GAS2: variants seen among roughly 807,000 people sequenced by gnomAD.
GAS2 encodes the protein growth arrest-specific protein 2.
In GAS2, 20 loss-of-function variants were observed where a neutral mutation model predicts 37.5. The observed-to-expected ratio is 0.53, with a 90% confidence interval of 0.37 to 0.77. The LOEUF is 0.77. GAS2 is among the 30% of genes least tolerant of loss of function. The pLI is 0.00. For missense variants in GAS2, 336 were observed against 373.4 expected (o/e 0.90, Z 0.82); for synonymous variants, 144 against 132.2 (o/e 1.09, Z -0.61).
At chr11:22,740,702 G>A (rs1224495162) in intron 5 of GAS2, among the ~76,000 whole-genome samples, 1 of 152,112 alleles carries the variant, frequency 6.6e-6, no homozygotes, top group African/African-American at 2.4e-5. Context: ...AGCATAATTA[G>A]TTGAAAGAAA....
intron 2 of GAS2, among the ~76,000 whole-genome samples, chr11:22,681,077 GA>G (rs1471474593): frequency 3.9e-5 from 6 of 152,124 alleles, no homozygotes; most frequent in Non-Finnish European, 7.4e-5. Flanking sequence ...ATGATTATTA[GA>G]ATTCTTTAGA....
At chr11:22,652,338 G>A (rs1355065224) in intron 1 of GAS2, among the ~76,000 whole-genome samples, 2 of 152,192 alleles carry the variant, frequency 1.3e-5, no homozygotes, top group Non-Finnish European at 2.9e-5. Context: ...GTCAGACAGG[G>A]CCATTTAAGT....
intron 7 of GAS2, among the ~76,000 whole-genome samples, chr11:22,765,397 T>C (rs1291063213): frequency 2.0e-5 from 3 of 152,184 alleles, no homozygotes; most frequent in Non-Finnish European, 2.9e-5. Context: ...AAATCCCAAG[T>C]CAAAAATTTT....
chr11:22,747,328 T>G (rs1222858636), intron 5 of GAS2, among the ~76,000 whole-genome samples: 2 of 152,180 alleles, frequency 1.3e-5, no homozygotes, highest in Admixed American at 6.6e-5. Context: ...AGTCTAGCAG[T>G]TTCCACCATT....
chr11:22,706,120 C>T lies in GAS2; in HGVS notation c.268-20172C>T, dbSNP rs571460278. ...ATGCTGGCATTTATCTTAAGTATAA[C>T]AATATGCCATTGAACTATTAACATT... On this transcript the variant is annotated intron_variant, in intron 3 of 7. Transcript: ENST00000454584. Among the ~76,000 whole-genome samples the T allele has an allele frequency of 6.6e-5, 10 of 152,218 alleles. No homozygotes were observed. The South Asian group carries it at 2.1e-3, about 32-fold the overall frequency.
intron 1 of GAS2, among the ~76,000 whole-genome samples, chr11:22,635,069 G>C (rs938687072): frequency 2.6e-5 from 4 of 152,216 alleles, no homozygotes; most frequent in African/African-American, 7.2e-5. Flanking sequence ...GCTTGCAAAA[G>C]AGTGTCAGCT....
chr11:22,742,197 G>A (rs1387567477), intron 5 of GAS2, among the ~76,000 whole-genome samples: 1 of 152,056 alleles, frequency 6.6e-6, no homozygotes, highest in Non-Finnish European at 1.5e-5. Context: ...AAAGGTATGA[G>A]GATATGATTT....
At chr11:22,735,224 C>CT (rs397750049) in intron 4 of GAS2, among the ~76,000 whole-genome samples, 62,932 of 109,228 alleles carry the variant, frequency 0.58, 20,036 homozygotes, top group Middle Eastern at 0.71. Flanking sequence ...ACCAATCATT[C>CT]TTTTTTTTTT....
chr11:22,627,158 C>T (rs956258024), intron 1 of GAS2, among the ~76,000 whole-genome samples: 1 of 152,188 alleles, frequency 6.6e-6, no homozygotes, highest in African/African-American at 2.4e-5. Flanking sequence ...TTTATTTTAT[C>T]CTAAGGATAC....
At chr11:22,732,578 C>T (rs1487530526) in intron 4 of GAS2, among the ~76,000 whole-genome samples, 1 of 151,694 alleles carries the variant, frequency 6.6e-6, no homozygotes, top group Non-Finnish European at 1.5e-5. Context: ...CTATTTATCA[C>T]CTACATTTAA....
intron 4 of GAS2, among the ~76,000 whole-genome samples, chr11:22,737,448 G>C (rs1414880026): frequency 6.6e-6 from 1 of 152,086 alleles, no homozygotes; most frequent in East Asian, 1.9e-4. Flanking sequence ...ATTTCCTGAG[G>C]GTTTCCTGAG....
At chr11:22,765,303 T>C (rs538751152) in intron 7 of GAS2, among the ~76,000 whole-genome samples, 65 of 152,238 alleles carry the variant, frequency 4.3e-4, no homozygotes, top group South Asian at 8.3e-4. Flanking sequence ...AACAATATAG[T>C]AGAGAGTTGA....
At chr11:22,799,370 G>A (rs1399691115) in intron 7 of GAS2, among the ~76,000 whole-genome samples, 1 of 152,028 alleles carries the variant, frequency 6.6e-6, no homozygotes, top group Non-Finnish European at 1.5e-5. Context: ...TTTAAAAAAT[G>A]CATTCCAGGT....
rs766821097 is a variant in GAS2, at chr11:22,812,045, C to T, written c.*29C>T. The T allele has an allele frequency of 6.6e-7, 1 of 1,510,830 alleles. No individual in the cohort carries two copies. The highest frequency in any genetic ancestry group is 9.2e-7 in the Non-Finnish European group (1 of 1,086,428). The allele number at this position is 1,510,830 out of a possible 1,614,324, so 93.6% of individuals were successfully genotyped here. A position where few individuals can be genotyped will look rare whatever the true frequency, so the allele number is the denominator to read the frequency against. The stretch of plus-strand genomic sequence containing the variant: ...AAATTGGTCATGACAAGGGGACCCT[C>T]ATAATGGCCTGTATCCACTTCTCCA... On this transcript the variant is annotated 3_prime_UTR_variant, in exon 8 of 8. Coordinates refer to ENST00000454584, the MANE Select transcript of GAS2 (RefSeq NM_001143830.3).
chr11:22,652,792 C>T (rs1408530917), intron 1 of GAS2, among the ~76,000 whole-genome samples: 6 of 152,152 alleles, frequency 3.9e-5, no homozygotes, highest in African/African-American at 9.7e-5. Context: ...GCACACGGTG[C>T]GCGCACCCAC....
At chr11:22,754,480 T>C (rs1853913892) in intron 6 of GAS2, among the ~76,000 whole-genome samples, 2 of 152,118 alleles carry the variant, frequency 1.3e-5, no homozygotes, top group African/African-American at 2.4e-5. Context: ...GCAATGTATA[T>C]ATTAAAGTTG....
intron 1 of GAS2, among the ~76,000 whole-genome samples, chr11:22,660,835 C>T (rs373245449): frequency 3.5e-4 from 53 of 152,314 alleles, no homozygotes; most frequent in African/African-American, 1.2e-3. Flanking sequence ...ACCCTATTCC[C>T]AGGCAGTTCT....
At chr11:22,686,523 C>G (rs1383863515) in intron 3 of GAS2, among the ~76,000 whole-genome samples, 1 of 120,258 alleles carries the variant, frequency 8.3e-6, no homozygotes, top group Non-Finnish European at 1.6e-5. Context: ...TGAGACTAGT[C>G]TGGCCAACAT....
At chr11:22,796,898 C>A (rs1353714223) in intron 7 of GAS2, among the ~76,000 whole-genome samples, 1 of 152,022 alleles carries the variant, frequency 6.6e-6, no homozygotes, top group Non-Finnish European at 1.5e-5. Flanking sequence ...CCATGGAGCC[C>A]AGCTTCCCTT....
Sources: gnomAD v4.1 joint callset for allele counts (sites outside exome capture counted in the v4.1 genomes callset) on GRCh38, gnomAD v4.1.1 for gene constraint, MANE v1.5 for transcripts, NCBI Gene and HGNC (gene_info 2026-07-23, HGNC 2026-07-21) for gene names.